The following LMO7 variants were observed in gnomAD, a reference collection of about 807,000 sequenced individuals.
The protein encoded by LMO7 is LIM domain 7.
Under a neutral mutation model 206.5 loss-of-function variants are expected in LMO7, and 120 were observed. The ratio of observed to expected loss-of-function variants is 0.58; its 90% confidence interval spans 0.50 to 0.68. LMO7 has a LOEUF of 0.68. LMO7 is among the 30% of genes least tolerant of loss of function. The pLI is 0.00. For missense variants in LMO7, 1,959 were observed against 1,957.9 expected (o/e 1.00, Z -0.01); for synonymous variants, 706 against 681.5 (o/e 1.04, Z -0.56).
rs763358318 is a variant in LMO7 at position 75,804,392 on chromosome 13, G to T, written c.765G>T (p.Ala255=). 1 of 1,614,176 alleles carries T rather than the reference G, an allele frequency of 6.2e-7. No individual in the cohort carries two copies. Among genetic ancestry groups the T allele is most frequent in the East Asian group, 2.2e-5 (1 of 44,886 alleles). Residue 255 remains alanine, a synonymous_variant, in exon 8 of 31, where the codon GCG becomes GCT. Transcript: ENST00000377534. The stretch of plus-strand genomic sequence containing the variant: ...TTTCGGCTGTTGAGCCAAAGACTGC[G>T]TTACCCTTCAATCGTTTTTTACCCA... ...RRISAVEPKT[A]LPFNRFLPNK...
chr13:75,857,858 A>T, intron 30 of LMO7, 63 bp from the exon 31 acceptor site: 1 of 1,171,288 alleles, frequency 8.5e-7, no homozygotes, highest in Non-Finnish European at 1.2e-6. Flanking sequence ...TATGTATCCC[A>T]GATGGCAATA....
At chr13:75,848,938 G>C in intron 26 of LMO7, 141 bp from the exon 27 acceptor site, 1 of 610,592 alleles carries the variant, frequency 1.6e-6, no homozygotes, top group South Asian at 2.0e-5. Flanking sequence ...TTGAGTTGTT[G>C]ATTATGGCCA....
chr13:75,710,843 G>A (rs1018485487), intron 1 of LMO7, among the ~76,000 whole-genome samples: 83 of 151,570 alleles, frequency 5.5e-4, no homozygotes, highest in Non-Finnish European at 5.1e-4. Context: ...ATGTTGAATA[G>A]GAGTGGTGAG....
chr13:75,695,871 TTGA>T (rs746012271), intron 1 of LMO7, among the ~76,000 whole-genome samples: 1 of 152,236 alleles, frequency 6.6e-6, no homozygotes, highest in African/African-American at 2.4e-5. Context: ...CAACTATTAC[TTGA>T]TGATGTGTTT....
chr13:75,834,202 G>C, intron 16 of LMO7, 24 bp from the exon 17 acceptor site: 2 of 1,546,272 alleles, frequency 1.3e-6, no homozygotes, highest in Non-Finnish European at 1.7e-6. Flanking sequence ...TTCCCCAATT[G>C]GTTAATTTAT....
intron 1 of LMO7, among the ~76,000 whole-genome samples, chr13:75,648,477 G>A (rs1036241206): frequency 6.6e-6 from 1 of 152,032 alleles, no homozygotes; most frequent in Non-Finnish European, 1.5e-5. Flanking sequence ...ATCTTCCTCT[G>A]TTTCTCACCC....
rs2061115467 is a variant in LMO7 at position 75,858,196 on chromosome 13, C to G, written c.*253C>G. On this transcript the variant is annotated 3_prime_UTR_variant, in exon 31 of 31. Transcript: ENST00000377534. Reference sequence around the variant, plus strand: ...TGTTGAATTCAGCATCTTGAGAGCACAAGGGAAAAAATAAGAACCTACGAA... The same window carrying G: ...TGTTGAATTCAGCATCTTGAGAGCAGAAGGGAAAAAATAAGAACCTACGAA... 2.7e-6 allele frequency: 1 copy of G among 374,584 alleles called. No individual in the cohort carries two copies. Among genetic ancestry groups the G allele is most frequent in the Non-Finnish European group, 4.7e-6 (1 of 210,710 alleles). 23.2% of individuals were successfully genotyped at this position (374,584 alleles called of 1,614,324 possible). A position where few individuals can be genotyped will look rare whatever the true frequency, so the allele number is the denominator to read the frequency against.
chr13:75,635,038 C>A (rs1465493002), upstream of LMO7, among the ~76,000 whole-genome samples: 4 of 137,100 alleles, frequency 2.9e-5, no homozygotes, highest in Admixed American at 1.5e-4. Flanking sequence ...CAAAACAAAA[C>A]AAAAACAAAC....
intron 1 of LMO7, among the ~76,000 whole-genome samples, chr13:75,642,878 G>A (rs1223591409): frequency 6.6e-6 from 1 of 152,172 alleles, no homozygotes; most frequent in Non-Finnish European, 1.5e-5. Flanking sequence ...AAACATTTAT[G>A]TAACAAATGA....
intron 1 of LMO7, among the ~76,000 whole-genome samples, chr13:75,680,251 G>C (rs982509713): frequency 6.6e-6 from 1 of 152,220 alleles, no homozygotes. Context: ...TGGTTGCACA[G>C]TATTCCATGG....
At chr13:75,789,622 C>A (rs1411035303) in intron 4 of LMO7, among the ~76,000 whole-genome samples, 1 of 152,124 alleles carries the variant, frequency 6.6e-6, no homozygotes, top group African/African-American at 2.4e-5. Flanking sequence ...TGGTATGCAA[C>A]CATGTGGCCA....
chr13:75,794,649 C>G (rs1595062071), intron 4 of LMO7, among the ~76,000 whole-genome samples: 1 of 152,286 alleles, frequency 6.6e-6, no homozygotes, highest in East Asian at 1.9e-4. Flanking sequence ...GCTTAAGTGT[C>G]TCTAATGAGG....
intron 1 of LMO7, among the ~76,000 whole-genome samples, chr13:75,693,171 G>A (rs1003679896): frequency 1.3e-5 from 2 of 152,138 alleles, no homozygotes; most frequent in African/African-American, 4.8e-5. Flanking sequence ...CAATGGCCTG[G>A]AATATCAGCT....
At chr13:75,813,901 G>A (rs1030407782) in intron 11 of LMO7, among the ~76,000 whole-genome samples, 13 of 152,170 alleles carry the variant, frequency 8.5e-5, no homozygotes, top group Non-Finnish European at 1.9e-4. Flanking sequence ...AATCTCATGT[G>A]TTGAGTGTCT....
intron 1 of LMO7, among the ~76,000 whole-genome samples, chr13:75,652,203 G>A (rs1329333990): frequency 2.7e-5 from 4 of 150,756 alleles, no homozygotes; most frequent in African/African-American, 7.3e-5. Flanking sequence ...TTTTGGCTTC[G>A]GTCTCTTTTA....
chr13:75,700,209 A>G (rs1324587946), intron 1 of LMO7, among the ~76,000 whole-genome samples: 1 of 152,216 alleles, frequency 6.6e-6, no homozygotes, highest in African/African-American at 2.4e-5. Flanking sequence ...CACAATCATC[A>G]CAGGGTCCTG....
intron 1 of LMO7, among the ~76,000 whole-genome samples, chr13:75,705,012 T>C (rs1201038256): frequency 6.6e-6 from 1 of 152,242 alleles, no homozygotes; most frequent in Non-Finnish European, 1.5e-5. Flanking sequence ...AATAACTTCC[T>C]ATCAAGGGCT....
upstream of LMO7, among the ~76,000 whole-genome samples, chr13:75,634,459 G>C (rs2035474403): frequency 6.6e-6 from 1 of 151,578 alleles, no homozygotes; most frequent in Non-Finnish European, 1.5e-5. Flanking sequence ...AAACAAGAAC[G>C]GCTGGGGGCG....
chr13:75,809,178 G>A lies in LMO7; in HGVS notation c.1941G>A (p.Glu647=). 1.2e-6 allele frequency: 2 copies of A among 1,612,336 alleles called. No homozygotes were observed. The highest frequency in any genetic ancestry group is 1.7e-6 in the Non-Finnish European group (2 of 1,178,654). ...GACTCTTTCAAAAGATTTATGGTGA[G>A]AATGGGTAAGTTGTGTGGTTCACAG... ...VERLFQKIYG[E]NGSKSMSDVS... Residue 647 remains glutamate (E), a synonymous_variant, in exon 11 of 31, where the codon GAG becomes GAA. Transcript: ENST00000377534.
Sources: allele counts gnomAD v4.1 joint callset (sites outside exome capture counted in the v4.1 genomes callset), GRCh38; gene constraint gnomAD v4.1.1; transcripts MANE v1.5; gene names NCBI Gene and HGNC (gene_info 2026-07-23, HGNC 2026-07-21).